The following EVC2 variants were observed in gnomAD, a reference collection of about 807,000 sequenced individuals.
The protein encoded by EVC2 is limbin.
EVC2 carries 148 observed loss-of-function variants against 149.3 expected under a neutral mutation model. The observed-to-expected ratio is 0.99, with a 90% CI of 0.87 to 1.14. The LOEUF is 1.14. Ranked by LOEUF, EVC2 falls within the 50% of genes most tolerant of loss-of-function variation. The pLI, the probability that EVC2 is intolerant of heterozygous loss-of-function variation, is 0.00. For missense variants in EVC2, 1,854 were observed against 1,627.3 expected (o/e 1.14, Z -2.40); for synonymous variants, 776 against 649.9 (o/e 1.19, Z -2.95).
At position 5,657,767 on chromosome 4, in the gene EVC2, G is replaced by A. The variant is rs755253535; in HGVS notation, c.1145+5340C>T. On this transcript the variant is annotated intron_variant, in intron 9 of 21. Transcript: ENST00000344408. This position sits in a 1 kb window ranked among gnomAD's most constrained non-coding sequence, Gnocchi z 4.7. The stretch of plus-strand genomic sequence containing the variant: ...AAGAAAAAAAAAAAAGGTAGTTTCC[G>A]GCAGCCTTGAGTGTTGTGAAGAAAA... 2.9e-4 allele frequency among the ~76,000 whole-genome samples: 44 copies of A among 149,322 alleles called. No individual in the cohort carries two copies. The highest frequency in any genetic ancestry group is 5.3e-4 in the Admixed American group (8 of 15,022).
chr4:5,681,353 G>T (rs1315396698), intron 6 of EVC2, 40 bp from the exon 7 acceptor site: 1 of 1,608,218 alleles, frequency 6.2e-7, no homozygotes, highest in African/African-American at 1.3e-5. Flanking sequence ...GCAACAGTTT[G>T]GGGTCTGACA....
chr4:5,659,573 C>T (rs1004530277), intron 9 of EVC2, among the ~76,000 whole-genome samples: 1 of 152,086 alleles, frequency 6.6e-6, no homozygotes, highest in African/African-American at 2.4e-5. Flanking sequence ...ACTCTCCGTG[C>T]ATGCTTGATA....
Position 5,576,258 on chromosome 4 carries a change from A to G in EVC2, c.3254T>C (p.Leu1085Pro), listed in dbSNP as rs1471320329. 6.2e-7 allele frequency: 1 copy of G among 1,614,208 alleles called. No homozygotes were observed. Among genetic ancestry groups the G allele is most frequent in the Non-Finnish European group, 8.5e-7 (1 of 1,180,034 alleles). Residue 1085 changes from leucine to proline, a missense_variant, in exon 18 of 22, where the codon CTG becomes CCG. By Grantham distance (98) the Leu-to-Pro change is moderately conservative. Transcript: ENST00000344408. The surrounding 1 kb of genome is among the most constrained non-coding windows in gnomAD (Gnocchi z 4.5). ...GGCATACCACTGCTGATGTTGCTCC[A>G]GTAATGTCTGGCTCTTGCTCAGGGC... ...HQALSKSQTL[L>P]EQHQQCLREE... is the part of the protein sequence containing the mutation.
At chr4:5,564,333 T>C (rs539753197) in intron 21 of EVC2, among the ~76,000 whole-genome samples, 81 of 152,364 alleles carry the variant, frequency 5.3e-4, no homozygotes, top group African/African-American at 1.7e-3. Context: ...GGAATGTTCC[T>C]AATGGAATAT....
At chr4:5,531,949 C>G in the EVC2 span, among the ~76,000 whole-genome samples, 23 of 152,028 alleles carry the variant, frequency 1.5e-4, no homozygotes, top group Non-Finnish European at 2.8e-4. Context: ...TCTAGTTTAC[C>G]TATGATACAT....
In EVC2 at chr4:5,650,671, A is replaced by AGG. The variant is rs35334619; in HGVS notation, c.1146-9834_1146-9833insCC. 9.2e-3 allele frequency among the ~76,000 whole-genome samples: 933 copies of AGG among 101,806 alleles called. 20 individuals carry two copies. The highest frequency in any genetic ancestry group is 0.034 in the African/African-American group (877 of 25,510). The allele number at this position is 101,806 out of a possible 152,430, so 66.8% of individuals were successfully genotyped here. On this transcript the variant is annotated intron_variant, in intron 9 of 21. Transcript: ENST00000344408. ...GAGAGAGAGAGAGAGAGAGAGAGAG[A>AGG]GCCATTTAATCATCACAAAAAAATC...
chr4:5,672,040 C>G (rs1469766740), intron 7 of EVC2, among the ~76,000 whole-genome samples: 1 of 152,130 alleles, frequency 6.6e-6, no homozygotes, highest in Non-Finnish European at 1.5e-5. Flanking sequence ...AGAGCCAGGC[C>G]CTACTCAAGG....
intron 19 of EVC2, among the ~76,000 whole-genome samples, chr4:5,572,065 T>G (rs999918862): frequency 2.0e-5 from 3 of 152,188 alleles, no homozygotes; most frequent in Non-Finnish European, 2.9e-5. Flanking sequence ...TAAATCTCTT[T>G]CTCTACAGAG....
At chr4:5,652,475 G>T (rs943456286) in intron 9 of EVC2, among the ~76,000 whole-genome samples, 1 of 152,146 alleles carries the variant, frequency 6.6e-6, no homozygotes. Flanking sequence ...ACACAAAGTG[G>T]GTGGCTTCAA....
At position 5,596,420 on chromosome 4, in the gene EVC2, C is replaced by G. The variant is rs529943970; in HGVS notation, c.2830-11570G>C. On this transcript the variant is annotated intron_variant, in intron 16 of 21. Coordinates refer to ENST00000344408, the MANE Select transcript of EVC2 (RefSeq NM_147127.5). ...AGAACTCAGGATTAAGAAATTCACT[C>G]AAAACCGCTCAACTACAGGGAAACT... Among the ~76,000 whole-genome samples, 11 of 152,300 alleles carry G rather than the reference C, an allele frequency of 7.2e-5. No individual in the cohort carries two copies. In the East Asian group the frequency reaches 2.1e-3, roughly 29 times the overall value.
chr4:5,669,886 C>T (rs59481173), intron 7 of EVC2, among the ~76,000 whole-genome samples: 5,294 of 152,258 alleles, frequency 0.035, 277 homozygotes, highest in African/African-American at 0.12. Context: ...GAGGGAAAAA[C>T]CAGGGCCAGT....
the EVC2 span, among the ~76,000 whole-genome samples, chr4:5,536,386 A>G: frequency 4.9e-4 from 75 of 152,308 alleles, no homozygotes; most frequent in South Asian, 0.015. Context: ...ATAAGGGAAA[A>G]TATTTTTACA....
chr4:5,584,840 T>C lies in EVC2; in HGVS notation c.2840A>G (p.Glu947Gly), dbSNP rs1418375862. Residue 947 changes from glutamate to glycine, a missense_variant, in exon 17 of 22, where the codon GAA becomes GGA. Coordinates refer to ENST00000344408, the MANE Select transcript of EVC2 (RefSeq NM_147127.5). Reference sequence around the variant, plus strand: ...CCGCTGCACTCTCTCCCGCAGCAATTCACCTCGAACCTGGGAGGGGACAGG... The same window carrying C: ...CCGCTGCACTCTCTCCCGCAGCAATCCACCTCGAACCTGGGAGGGGACAGG... ...SEDLVEKVRG[E>G]LLRERVQRME... 1 of 1,614,094 alleles carries C rather than the reference T, an allele frequency of 6.2e-7. No individual in the cohort carries two copies. Among genetic ancestry groups the C allele is most frequent in the South Asian group, 1.1e-5 (1 of 91,082 alleles).
intron 9 of EVC2, among the ~76,000 whole-genome samples, chr4:5,662,510 T>C (rs1193340981): frequency 7.0e-6 from 1 of 142,648 alleles, no homozygotes; most frequent in Non-Finnish European, 1.5e-5. Flanking sequence ...ATATATTAAA[T>C]ATAATATTAA....
chr4:5,594,911 C>T (rs983272820), intron 16 of EVC2, among the ~76,000 whole-genome samples: 2 of 152,020 alleles, frequency 1.3e-5, no homozygotes, highest in East Asian at 1.9e-4. Context: ...TAGAGAACTA[C>T]GAGAAGAATG....
intron 6 of EVC2, among the ~76,000 whole-genome samples, chr4:5,682,684 C>A (rs1212279186): frequency 3.3e-5 from 5 of 150,862 alleles, no homozygotes; most frequent in Non-Finnish European, 5.9e-5. Flanking sequence ...CATGGTGAAA[C>A]CCTGTCTCTA....
Position 5,568,545 on chromosome 4 carries a change from C to A in EVC2, c.3456G>T (p.Gln1152His). 2.5e-6 allele frequency: 4 copies of A among 1,603,058 alleles called. No homozygotes were observed. Among genetic ancestry groups the A allele is most frequent in the Non-Finnish European group, 2.5e-6 (3 of 1,178,598 alleles). ...AATCCAGCAGGGCCAGCAGCTGAGGCTGTGAGGCTGTGGGCAGTACCACAC... is the reference window on the plus strand; with the variant it reads ...AATCCAGCAGGGCCAGCAGCTGAGGATGTGAGGCTGTGGGCAGTACCACAC... ...LLSVVLPTASQPQLLALLDSA... is the reference protein window; with the variant it reads ...LLSVVLPTASHPQLLALLDSA... The change falls in exon 20 of 22, where the codon CAG (glutamine) becomes CAT (histidine). Residue 1152 changes from glutamine (Q) to histidine (H), a missense_variant. Coordinates refer to ENST00000344408, the MANE Select transcript of EVC2 (RefSeq NM_147127.5).
At chr4:5,606,605 C>G (rs1714408078) in intron 16 of EVC2, among the ~76,000 whole-genome samples, 1 of 151,932 alleles carries the variant, frequency 6.6e-6, no homozygotes, top group Non-Finnish European at 1.5e-5. Context: ...TTTACAATGC[C>G]CAGCATCCAA....
intron 1 of EVC2, among the ~76,000 whole-genome samples, chr4:5,706,321 C>CTTAGATAGATAGATAGATAG (rs1722132097): frequency 3.8e-4 from 10 of 26,552 alleles, no homozygotes; most frequent in African/African-American, 1.6e-3. Flanking sequence ...TAGATAGATA[C>CTTAGATAGATAGATAGATAG]ATAGATAGAT....
Sources: gnomAD v4.1 joint callset for allele counts (sites outside exome capture counted in the v4.1 genomes callset) on GRCh38, gnomAD v4.1.1 for gene constraint, Gnocchi (gnomAD v3.1) non-coding constraint, MANE v1.5 for transcripts, NCBI Gene and HGNC (gene_info 2026-07-23, HGNC 2026-07-21) for gene names.